The following FBXW11 variants were observed in gnomAD, a reference collection of about 807,000 sequenced individuals.
FBXW11 encodes F-box/WD repeat-containing protein 11.
In FBXW11, 19 loss-of-function variants were observed where a neutral mutation model predicts 77.6. That is an observed-to-expected ratio of 0.24 (90% confidence interval 0.17 to 0.36). The LOEUF (loss-of-function observed/expected upper bound fraction) is 0.36, where lower values mean the gene tolerates loss of function less well. Ranked by LOEUF, FBXW11 falls within the 10% of genes least tolerant of loss-of-function variation. The pLI, the probability that FBXW11 is intolerant of heterozygous loss-of-function variation, is 1.00. For synonymous variants in FBXW11, 235 were observed against 249.4 expected, an observed-to-expected ratio of 0.94 and a Z score of 0.54; for missense variants, 334 against 704.2, an observed-to-expected ratio of 0.47 and a Z score of 5.95.
At chr5:171,886,724 G>A (rs915390629) in intron 7 of FBXW11, among the ~76,000 whole-genome samples, 1 of 152,012 alleles carries the variant, frequency 6.6e-6, no homozygotes, top group African/African-American at 2.4e-5. Context: ...TAAAAATAGA[G>A]TTCGGTGGGC....
At chr5:171,933,810 TG>T (rs1424486106) in intron 2 of FBXW11, among the ~76,000 whole-genome samples, 4 of 152,110 alleles carry the variant, frequency 2.6e-5, no homozygotes, top group African/African-American at 7.2e-5. Flanking sequence ...CTGCCAGGTC[TG>T]TCTCAAAAAA....
chr5:171,867,622 A>C (rs1343006127), intron 13 of FBXW11, among the ~76,000 whole-genome samples: 1 of 152,166 alleles, frequency 6.6e-6, no homozygotes, highest in African/African-American at 2.4e-5. Context: ...AGAGTATCTG[A>C]AAAGATGGTA....
chr5:171,942,985 A>G (rs1246619310), intron 2 of FBXW11, among the ~76,000 whole-genome samples: 1 of 152,112 alleles, frequency 6.6e-6, no homozygotes, highest in Non-Finnish European at 1.5e-5. Flanking sequence ...ATCTACTATC[A>G]TCAGAGCTAC....
At chr5:171,927,688 G>A (rs1410295312) in intron 2 of FBXW11, among the ~76,000 whole-genome samples, 2 of 152,016 alleles carry the variant, frequency 1.3e-5, no homozygotes, top group East Asian at 1.9e-4. Context: ...GTAGTTCTAC[G>A]TTTTCATTTT....
At chr5:171,867,828 ATAG>A (rs1371658413) in intron 13 of FBXW11, 11 of 152,222 alleles carry the variant, frequency 7.2e-5, no homozygotes, top group African/African-American at 2.7e-4. Context: ...ACATATATCC[ATAG>A]TAGTATGTTT....
At chr5:171,890,291 G>T (rs927336608) in intron 7 of FBXW11, among the ~76,000 whole-genome samples, 21 of 152,070 alleles carry the variant, frequency 1.4e-4, no homozygotes, top group African/African-American at 4.6e-4. Flanking sequence ...CGCACTTTGG[G>T]GCAGGCGCAT....
intron 2 of FBXW11, among the ~76,000 whole-genome samples, chr5:171,921,664 T>C (rs1761603289): frequency 6.6e-6 from 1 of 151,964 alleles, no homozygotes; most frequent in Non-Finnish European, 1.5e-5. Flanking sequence ...AAATTCAAAT[T>C]AAAAGGAAAG....
chr5:171,998,126 A>C (rs1272366953), intron 1 of FBXW11, among the ~76,000 whole-genome samples: 1 of 152,114 alleles, frequency 6.6e-6, no homozygotes, highest in African/African-American at 2.4e-5. Context: ...TTTCTGAGAG[A>C]GGAGAAGAAA....
chr5:171,952,438 TATATATATA>T (rs1482838736), intron 2 of FBXW11, among the ~76,000 whole-genome samples: 2 of 20,916 alleles, frequency 9.6e-5, no homozygotes, highest in African/African-American at 3.2e-4. Context: ...TATATATATA[TATATATATA>T]TTTTTTTTTT....
At chr5:171,881,474 T>C (rs1253832913) in intron 7 of FBXW11, among the ~76,000 whole-genome samples, 1 of 152,260 alleles carries the variant, frequency 6.6e-6, no homozygotes, top group Non-Finnish European at 1.5e-5. Flanking sequence ...GTGATTTTCT[T>C]CTTTGGCTTA....
At chr5:171,947,677 T>C (rs981542645) in intron 2 of FBXW11, among the ~76,000 whole-genome samples, 1 of 151,320 alleles carries the variant, frequency 6.6e-6, no homozygotes, top group Non-Finnish European at 1.5e-5. Flanking sequence ...GATTAAATTA[T>C]TGTATACCCA....
At chr5:171,977,866 G>A (rs1261390255) in intron 1 of FBXW11, 5 of 207,848 alleles carry the variant, frequency 2.4e-5, no homozygotes, top group Non-Finnish European at 5.0e-5. Context: ...ACAACACATG[G>A]GAATTCAAGA....
chr5:171,874,752 C>CAAAA (rs34775989), intron 9 of FBXW11, among the ~76,000 whole-genome samples: 408 of 37,848 alleles, frequency 0.011, 21 homozygotes, highest in African/African-American at 0.029. Context: ...CTGGTCTCTA[C>CAAAA]AAAAAAAAAA....
At chr5:171,976,770 G>A (rs1320279339) in intron 1 of FBXW11, among the ~76,000 whole-genome samples, 1 of 152,082 alleles carries the variant, frequency 6.6e-6, no homozygotes, top group African/African-American at 2.4e-5. Context: ...CTCTGGGCCG[G>A]GTGTGGTCGT....
chr5:171,942,925 T>C (rs1762824383), intron 2 of FBXW11, among the ~76,000 whole-genome samples: 1 of 152,162 alleles, frequency 6.6e-6, no homozygotes, highest in Admixed American at 6.6e-5. Context: ...CCCTGGGCAA[T>C]GTTTCTTTTG....
chr5:171,893,646 A>G (rs1561657241), intron 6 of FBXW11, among the ~76,000 whole-genome samples: 1 of 152,140 alleles, frequency 6.6e-6, no homozygotes, highest in Non-Finnish European at 1.5e-5. Flanking sequence ...ATGCTGATTT[A>G]GTAGGCAGAT....
At chr5:172,002,936 C>A (rs1205593224) in intron 1 of FBXW11, among the ~76,000 whole-genome samples, 2 of 151,900 alleles carry the variant, frequency 1.3e-5, no homozygotes, top group African/African-American at 2.4e-5. Context: ...TGGGCTCAAG[C>A]AATCCTCCCA....
At position 171,904,683 on chromosome 5, in the gene FBXW11, T is replaced by G. The variant is rs1428984000; in HGVS notation, c.437-4583A>C. 6.6e-6 allele frequency among the ~76,000 whole-genome samples: 1 copy of G among 152,090 alleles called. No homozygotes were observed. The highest frequency in any genetic ancestry group is 1.5e-5 in the Non-Finnish European group (1 of 68,000). ...ACCTCCTGGGTTCAAGCGATTCTCC[T>G]GCCTCAGCCTCCCGAGTAGCTGGGA... On this transcript the variant is annotated intron_variant, in intron 4 of 13. Coordinates refer to ENST00000517395, the MANE Select transcript of FBXW11 (RefSeq NM_001378974.1). This position sits in a 1 kb window ranked among gnomAD's most constrained non-coding sequence, Gnocchi z 4.0.
At position 171,919,715 on chromosome 5, in the gene FBXW11, C is replaced by T. The variant is rs553090063; in HGVS notation, c.148-5310G>A. ...TAGCTCAGAAATGTTACACAACTTG[C>T]CTTGGGTTACACATCAAAAAGTACC... On this transcript the variant is annotated intron_variant, in intron 2 of 13. Transcript: ENST00000517395. Among the ~76,000 whole-genome samples the T allele has an allele frequency of 1.1e-4, 17 of 152,284 alleles. No individual in the cohort carries two copies. The South Asian group carries it at 2.9e-3, about 26-fold the overall frequency.
Sources: gnomAD v4.1 joint callset for allele counts (sites outside exome capture counted in the v4.1 genomes callset) on GRCh38, gnomAD v4.1.1 for gene constraint, Gnocchi (gnomAD v3.1) non-coding constraint, MANE v1.5 for transcripts, NCBI Gene and HGNC (gene_info 2026-07-23, HGNC 2026-07-21) for gene names.